Variants in PRMT2 observed in about 807,000 individuals in gnomAD.
The protein encoded by PRMT2 is protein arginine N-methyltransferase 2.
Under a neutral mutation model 57.6 loss-of-function variants are expected in PRMT2, and 26 were observed. The ratio of observed to expected loss-of-function variants is 0.45; its 90% CI spans 0.33 to 0.63. The LOEUF (loss-of-function observed/expected upper bound fraction) is 0.63, where lower values mean the gene tolerates loss of function less well. Among genes scored for constraint, PRMT2 ranks in the 20% least tolerant of loss-of-function variants. PRMT2 has a pLI of 0.02. For synonymous variants in PRMT2, 219 were observed against 220.0 expected, an observed-to-expected ratio of 1.00 and a Z score of 0.04; for missense variants, 472 against 564.4, an observed-to-expected ratio of 0.84 and a Z score of 1.66.
intron 10 of PRMT2, among the ~76,000 whole-genome samples, chr21:46,662,880 TTCTG>T (rs908013541): frequency 6.6e-6 from 1 of 152,222 alleles, no homozygotes; most frequent in Non-Finnish European, 1.5e-5. Flanking sequence ...TTGGACCTGA[TTCTG>T]TCTGTGTACA....
chr21:46,664,936 A>G lies in PRMT2; in HGVS notation c.*609A>G, dbSNP rs1030236260. 1 of 153,210 alleles carries G rather than the reference A, an allele frequency of 6.5e-6. No individual in the cohort carries two copies. Among genetic ancestry groups the G allele is most frequent in the Non-Finnish European group, 1.5e-5 (1 of 68,724 alleles). The allele number at this position is 153,210 out of a possible 1,614,324, so 9.5% of individuals were successfully genotyped here. On this transcript the variant is annotated 3_prime_UTR_variant, in exon 12 of 12. Transcript: ENST00000355680. ...TCGCACATGCTCAATAAATATTTTTAAATGAGTGAATGTCATTGTGTATCC... is the reference window on the plus strand; with the variant it reads ...TCGCACATGCTCAATAAATATTTTTGAATGAGTGAATGTCATTGTGTATCC...
chr21:46,663,415 T>C lies in PRMT2; in HGVS notation c.1130T>C (p.Met377Thr). The change falls in exon 11 of 12, where the codon ATG (methionine) becomes ACG (threonine). Residue 377 changes from methionine (M) to threonine (T), a missense_variant. By Grantham distance (81) the Met-to-Thr change is moderately conservative. This residue lies in a region of PRMT2 where 229 missense variants were observed against 217.2 expected (regional missense o/e 1.05). Transcript: ENST00000355680. The part of the protein sequence containing the change: ...TTHWKQTLFM[M>T]DDPVPVHTGD... ...CACTGGAAGCAGACGCTGTTCATGATGGACGACCCAGTCCCTGTCCATACA... is the reference window on the plus strand; with the variant it reads ...CACTGGAAGCAGACGCTGTTCATGACGGACGACCCAGTCCCTGTCCATACA... 2 of 1,614,012 alleles carry C rather than the reference T, an allele frequency of 1.2e-6. No homozygotes were observed. Among genetic ancestry groups the C allele is most frequent in the African/African-American group, 2.7e-5 (2 of 75,050 alleles).
chr21:46,643,333 A>ATT, intron 3 of PRMT2: 40 of 894,854 alleles, frequency 4.5e-5, no homozygotes, highest in Middle Eastern at 4.4e-4. Flanking sequence ...GGTCCAGATA[A>ATT]TTTTTTTTTT....
intron 8 of PRMT2, chr21:46,659,235 C>G (rs1471018843): frequency 5.5e-6 from 6 of 1,088,206 alleles, no homozygotes; most frequent in Non-Finnish European, 6.7e-6. Context: ...CTTGTTCTCT[C>G]ACGCCATACG....
rs183210079 is a variant in PRMT2, at chr21:46,659,803, G to A, written c.830+883G>A. 33 of 985,428 alleles carry A rather than the reference G, an allele frequency of 3.3e-5. No individual in the cohort carries two copies. In the African/African-American group the frequency reaches 5.8e-4, roughly 17 times the overall value. 61.0% of individuals were successfully genotyped at this position (985,428 alleles called of 1,614,324 possible). ...TCCAGAGGAACGTGATTGAATTGCT[G>A]TATATCCATCTGGTGGAGCACTGCT... is the stretch of plus-strand genomic sequence containing the variant. On this transcript the variant is annotated intron_variant, in intron 8 of 11. Coordinates refer to ENST00000355680, the MANE Select transcript of PRMT2 (RefSeq NM_206962.4).
intron 3 of PRMT2, among the ~76,000 whole-genome samples, chr21:46,640,769 A>G (rs2061258207): frequency 6.7e-6 from 1 of 148,318 alleles, no homozygotes; most frequent in African/African-American, 2.5e-5. Context: ...TTTCTGCCTC[A>G]TCTTCTGTCT....
chr21:46,647,033 C>T (rs780191487), intron 5 of PRMT2, among the ~76,000 whole-genome samples: 25 of 152,104 alleles, frequency 1.6e-4, no homozygotes, highest in Non-Finnish European at 2.9e-4. Context: ...ATCACACTGA[C>T]GATTAAGTTT....
chr21:46,642,730 A>G (rs1003078024), intron 3 of PRMT2, among the ~76,000 whole-genome samples: 6 of 152,210 alleles, frequency 3.9e-5, no homozygotes, highest in South Asian at 2.1e-4. Flanking sequence ...TTATTCTTAT[A>G]TAAAGTGAAC....
At chr21:46,643,334 T>G in intron 3 of PRMT2, 41 of 675,230 alleles carry the variant, frequency 6.1e-5, no homozygotes, top group Non-Finnish European at 7.9e-5. Flanking sequence ...GTCCAGATAA[T>G]TTTTTTTTTT....
rs768960622 is a variant in PRMT2, at chr21:46,663,510, C to G, written c.1225C>G (p.Leu409Val). 1 of 1,614,206 alleles carries G rather than the reference C, an allele frequency of 6.2e-7. No homozygotes were observed. Among genetic ancestry groups the G allele is most frequent in the Non-Finnish European group, 8.5e-7 (1 of 1,180,028 alleles). The change falls in exon 11 of 12, where the codon CTG (leucine) becomes GTG (valine). Residue 409 changes from leucine to valine, a missense_variant. By Grantham distance (32) the Leu-to-Val change is conservative (BLOSUM62 1). Transcript: ENST00000355680. ...PVWRRHMSVALSWAVTSRQDP... is the reference protein window; with the variant it reads ...PVWRRHMSVAVSWAVTSRQDP... ...GTGGAGAAGGCACATGTCTGTGGCT[C>G]TGAGCTGGGCTGTCACTTCCAGACA...
At position 46,635,705 on chromosome 21, in the gene PRMT2, C is replaced by T. The variant is rs1018873385; in HGVS notation, c.-224C>T. 1 of 152,374 alleles carries T rather than the reference C, an allele frequency of 6.6e-6. No individual in the cohort carries two copies. The highest frequency in any genetic ancestry group is 1.9e-4 in the East Asian group (1 of 5,184). 9.4% of individuals were successfully genotyped at this position (152,374 alleles called of 1,614,324 possible). On this transcript the variant is annotated 5_prime_UTR_variant, in exon 1 of 12. Transcript: ENST00000355680. Reference sequence around the variant, plus strand: ...GGTGGCTCAGGCTCCTGGAAAGGACCGTCCACCCCTCCGCGCTGGCGGTGT... The same window carrying T: ...GGTGGCTCAGGCTCCTGGAAAGGACTGTCCACCCCTCCGCGCTGGCGGTGT...
chr21:46,652,248 T>C, intron 7 of PRMT2: 1 of 1,361,378 alleles, frequency 7.3e-7, no homozygotes, highest in Non-Finnish European at 9.4e-7. Context: ...TTATTTGTTG[T>C]TAGGATGGGA....
rs748957340 is a variant in PRMT2, at chr21:46,660,818, G to T, written c.831-15G>T. 47 of 1,612,592 alleles carry T rather than the reference G, an allele frequency of 2.9e-5. No homozygotes were observed. Among genetic ancestry groups the T allele is most frequent in the Admixed American group, 2.0e-4 (12 of 59,680 alleles). Reference sequence around the variant, plus strand: ...TGCAATGACTCTCAACAGTCGCTTTGACCTTTTCCCCTAGATCTTTAGCAG... The same window carrying T: ...TGCAATGACTCTCAACAGTCGCTTTTACCTTTTCCCCTAGATCTTTAGCAG... On this transcript the variant is annotated splice_polypyrimidine_tract_variant and intron_variant, in intron 8 of 11. Coordinates refer to ENST00000355680, the MANE Select transcript of PRMT2 (RefSeq NM_206962.4).
At position 46,664,420 on chromosome 21, in the gene PRMT2, C is replaced by T. The variant is rs752153791; in HGVS notation, c.*93C>T. The T allele has an allele frequency of 1.4e-4, 207 of 1,496,390 alleles. No homozygotes were observed. Among genetic ancestry groups the T allele is most frequent in the African/African-American group, 3.5e-4 (25 of 72,334 alleles). The allele number at this position is 1,496,390 out of a possible 1,614,324, so 92.7% of individuals were successfully genotyped here. ...TGCACCTGGCTTCTGCACACTCCTG[C>T]GAAAGTCGGTGAACATTCACTCCAC... On this transcript the variant is annotated 3_prime_UTR_variant, in exon 12 of 12. Coordinates refer to ENST00000355680, the MANE Select transcript of PRMT2 (RefSeq NM_206962.4).
chr21:46,662,679 A>T (rs1486875165), intron 10 of PRMT2, among the ~76,000 whole-genome samples: 2 of 152,150 alleles, frequency 1.3e-5, no homozygotes, highest in East Asian at 3.9e-4. Context: ...AGTCAGGGAA[A>T]AACTGGAGAC....
chr21:46,646,070 G>C (rs2061360513), intron 5 of PRMT2, among the ~76,000 whole-genome samples: 1 of 152,130 alleles, frequency 6.6e-6, no homozygotes, highest in Admixed American at 6.6e-5. Context: ...GGCAGGAGTG[G>C]CTCCCCTGTT....
At chr21:46,654,238 T>C in intron 7 of PRMT2, 2 of 547,388 alleles carry the variant, frequency 3.7e-6, no homozygotes, top group Non-Finnish European at 2.3e-6. Flanking sequence ...AACAACAGAA[T>C]TGTAGCAATA....
intron 3 of PRMT2, among the ~76,000 whole-genome samples, chr21:46,642,712 A>G (rs897414478): frequency 4.6e-5 from 7 of 152,204 alleles, no homozygotes; most frequent in Non-Finnish European, 8.8e-5. Flanking sequence ...GATGTCTTCC[A>G]GGCAAGCTTA....
chr21:46,652,196 A>T, intron 7 of PRMT2: 1 of 1,388,190 alleles, frequency 7.2e-7, no homozygotes, highest in Non-Finnish European at 9.3e-7. Context: ...CTCAAGAGTT[A>T]AATATTTAAG....
Sources: allele counts gnomAD v4.1 joint callset (sites outside exome capture counted in the v4.1 genomes callset), GRCh38; gene constraint gnomAD v4.1.1; regional missense constraint gnomAD v4.1.1; transcripts MANE v1.5; gene names NCBI Gene and HGNC (gene_info 2026-07-23, HGNC 2026-07-21).